ZNF385D: variants seen among roughly 807,000 people sequenced by gnomAD.
ZNF385D encodes the protein zinc finger protein 385D, also known as zinc finger protein 659.
In ZNF385D, 15 loss-of-function variants were observed where a neutral mutation model predicts 35.8. That is an observed-to-expected ratio of 0.42 (90% CI 0.28 to 0.64). The LOEUF is 0.64. Ranked by LOEUF, ZNF385D falls within the 30% of genes least tolerant of loss-of-function variation. ZNF385D has a pLI of 0.23. For synonymous variants in ZNF385D, 212 were observed against 186.8 expected (o/e 1.13, Z -1.10); for missense variants, 474 against 494.6 (o/e 0.96, Z 0.39).
intron 2 of ZNF385D, among the ~76,000 whole-genome samples, chr3:21,626,326 T>C (rs1422245372): frequency 2.0e-5 from 3 of 152,064 alleles, no homozygotes; most frequent in African/African-American, 4.8e-5. Flanking sequence ...CCAGAAACTA[T>C]GCTACATGTG....
Position 22,328,495 on chromosome 3 carries a change from T to C in ZNF385D, c.106+43955A>G, listed in dbSNP as rs376906608. 1.9e-4 allele frequency among the ~76,000 whole-genome samples: 29 copies of C among 152,320 alleles called. No individual in the cohort carries two copies. The East Asian group carries it at 2.3e-3, about 12-fold the overall frequency. On this transcript the variant is annotated intron_variant, in intron 2 of 5. Coordinates refer to the ZNF385D transcript ENST00000494108. Reference sequence around the variant, plus strand: ...AATAAAAAAAACTGGCTGGGTGTGGTGGCTCATGCCTCTAATCCCAGCACT... The same window carrying C: ...AATAAAAAAAACTGGCTGGGTGTGGCGGCTCATGCCTCTAATCCCAGCACT...
At chr3:21,877,638 T>C (rs759862099) in intron 3 of ZNF385D, among the ~76,000 whole-genome samples, 15 of 152,048 alleles carry the variant, frequency 9.9e-5, no homozygotes, top group Non-Finnish European at 1.9e-4. Flanking sequence ...ATAAACTATT[T>C]TTAGTACTTA....
At chr3:22,330,511 T>C (rs949321578) in intron 2 of ZNF385D, among the ~76,000 whole-genome samples, 4 of 152,226 alleles carry the variant, frequency 2.6e-5, no homozygotes, top group Non-Finnish European at 4.4e-5. Context: ...AGCTTTTTTG[T>C]ATCCCTGGTA....
At chr3:21,645,887 C>T (rs898096719) in intron 2 of ZNF385D, among the ~76,000 whole-genome samples, 14 of 152,122 alleles carry the variant, frequency 9.2e-5, no homozygotes, top group Non-Finnish European at 2.1e-4. Context: ...AAAAACTGTA[C>T]ATTTTCACCA....
chr3:22,330,406 A>G (rs1421403021), intron 2 of ZNF385D, among the ~76,000 whole-genome samples: 1 of 152,104 alleles, frequency 6.6e-6, no homozygotes, highest in African/African-American at 2.4e-5. Context: ...TTTGGAATGT[A>G]GGTTTGCAGG....
At chr3:21,679,417 T>G (rs2125307659) in intron 1 of ZNF385D, among the ~76,000 whole-genome samples, 1 of 152,252 alleles carries the variant, frequency 6.6e-6, no homozygotes, top group East Asian at 1.9e-4. Context: ...TGATTCTGAG[T>G]TAAGCTTTTG....
At chr3:22,273,046 T>C (rs2125365189) in intron 2 of ZNF385D, among the ~76,000 whole-genome samples, 1 of 151,802 alleles carries the variant, frequency 6.6e-6, no homozygotes, top group Middle Eastern at 3.4e-3. Flanking sequence ...ACTCACAAAT[T>C]TTAAAAAGCC....
intron 2 of ZNF385D, among the ~76,000 whole-genome samples, chr3:22,190,097 G>C (rs963261560): frequency 3.3e-5 from 5 of 152,116 alleles, no homozygotes; most frequent in Non-Finnish European, 7.4e-5. Flanking sequence ...TAAAAAAACA[G>C]TATTCTTGGT....
intron 1 of ZNF385D, among the ~76,000 whole-genome samples, chr3:21,668,456 T>C (rs1284623220): frequency 2.0e-5 from 3 of 152,196 alleles, no homozygotes; most frequent in Middle Eastern, 3.2e-3. Flanking sequence ...ACAAATGATG[T>C]TTCCATGAGC....
chr3:22,096,216 G>A (rs1328966484), intron 3 of ZNF385D, among the ~76,000 whole-genome samples: 1 of 152,010 alleles, frequency 6.6e-6, no homozygotes, highest in Non-Finnish European at 1.5e-5. Flanking sequence ...CTGTTGAGTA[G>A]CATGCTCACT....
intron 3 of ZNF385D, among the ~76,000 whole-genome samples, chr3:22,129,778 C>G (rs1703665429): frequency 6.6e-6 from 1 of 152,106 alleles, no homozygotes; most frequent in South Asian, 2.1e-4. Flanking sequence ...GGAGCTAAAG[C>G]CTGGAAGTAG....
chr3:22,309,855 G>A (rs1330040053), intron 2 of ZNF385D, among the ~76,000 whole-genome samples: 1 of 151,788 alleles, frequency 6.6e-6, no homozygotes, highest in African/African-American at 2.4e-5. Context: ...AAGATAAAAA[G>A]GTAACAATGG....
At chr3:21,545,334 G>T (rs889280600) in intron 3 of ZNF385D, among the ~76,000 whole-genome samples, 3 of 152,202 alleles carry the variant, frequency 2.0e-5, no homozygotes, top group Non-Finnish European at 4.4e-5. Context: ...GAGCTGAAAT[G>T]CTCGTGAATA....
chr3:21,577,974 TA>T (rs2063543316), intron 2 of ZNF385D, among the ~76,000 whole-genome samples: 1 of 151,876 alleles, frequency 6.6e-6, no homozygotes, highest in Non-Finnish European at 1.5e-5. Flanking sequence ...CAAGCCTGGC[TA>T]ATTTTTTAAA....
upstream of ZNF385D, among the ~76,000 whole-genome samples, chr3:21,752,597 A>C (rs2125561594): frequency 6.6e-6 from 1 of 152,204 alleles, no homozygotes; most frequent in Non-Finnish European, 1.5e-5. Context: ...ATCCTCTCTC[A>C]CGCTAGATTA....
intron 2 of ZNF385D, among the ~76,000 whole-genome samples, chr3:21,642,392 G>A (rs759536265): frequency 1.3e-5 from 2 of 151,834 alleles, no homozygotes; most frequent in East Asian, 1.9e-4. Context: ...AAAAAACCTC[G>A]AGTATCACCC....
intron 1 of ZNF385D, among the ~76,000 whole-genome samples, chr3:21,692,690 G>T (rs773049531): frequency 1.3e-5 from 2 of 152,174 alleles, no homozygotes; most frequent in Admixed American, 6.5e-5. Flanking sequence ...CCCAAAGAGT[G>T]CATGTCTTCA....
At chr3:22,325,083 CCA>C (rs1694615923) in intron 2 of ZNF385D, among the ~76,000 whole-genome samples, 3 of 152,106 alleles carry the variant, frequency 2.0e-5, no homozygotes, top group African/African-American at 2.4e-5. Flanking sequence ...ATAGTGCACG[CCA>C]CAGAGTGCTA....
In ZNF385D at chr3:21,413,191, G is replaced by A. The variant is rs1331955229; in HGVS notation, c.*8023C>T. The stretch of plus-strand genomic sequence containing the variant: ...TATCTCACGTTTCCAAGCCCACCTG[G>A]GGATATGTAGAACTCTGATGAAAGG... On this transcript the variant is annotated 3_prime_UTR_variant, in exon 8 of 8. Transcript: ENST00000281523. 6.6e-6 allele frequency: 1 copy of A among 151,838 alleles called. No individual in the cohort carries two copies. The highest frequency in any genetic ancestry group is 1.9e-4 in the East Asian group (1 of 5,184). The allele number at this position is 151,838 out of a possible 1,614,324, so 9.4% of individuals were successfully genotyped here.
Sources: allele counts gnomAD v4.1 joint callset (sites outside exome capture counted in the v4.1 genomes callset), GRCh38; gene constraint gnomAD v4.1.1; transcripts MANE v1.5; gene names NCBI Gene and HGNC (gene_info 2026-07-23, HGNC 2026-07-21).